Variants in MYBPC1 observed in about 807,000 individuals in gnomAD.
The protein encoded by MYBPC1 is myosin binding protein C1.
MYBPC1 carries 52 observed loss-of-function variants against 147.1 expected under a neutral mutation model. The ratio of observed to expected loss-of-function variants is 0.35; its 90% CI spans 0.28 to 0.45. MYBPC1 has a LOEUF of 0.45. Among genes scored for constraint, MYBPC1 ranks in the 20% least tolerant of loss-of-function variants. The pLI is 1.00. For synonymous variants in MYBPC1, 477 were observed against 475.9 expected, an observed-to-expected ratio of 1.00 and a Z score of -0.03; for missense variants, 1,228 against 1,440.3, an observed-to-expected ratio of 0.85 and a Z score of 2.39.
intron 28 of MYBPC1, among the ~76,000 whole-genome samples, chr12:101,679,784 C>T (rs1173385802): frequency 2.7e-5 from 4 of 147,422 alleles, no homozygotes; most frequent in East Asian, 4.1e-4. Context: ...ATCAAATGAT[C>T]GTGACACTTT....
chr12:101,606,956 C>A (rs1882442289), intron 1 of MYBPC1, among the ~76,000 whole-genome samples: 1 of 152,078 alleles, frequency 6.6e-6, no homozygotes, highest in Non-Finnish European at 1.5e-5. Flanking sequence ...TCCAAAGTAG[C>A]TGGGACCACA....
chr12:101,666,900 C>G, intron 22 of MYBPC1: 18 of 410,200 alleles, frequency 4.4e-5, no homozygotes, highest in Non-Finnish European at 5.5e-5. Context: ...TACATACACA[C>G]ACACACACAC....
intron 25 of MYBPC1, among the ~76,000 whole-genome samples, chr12:101,674,581 AT>A (rs1303908966): frequency 6.6e-6 from 1 of 152,086 alleles, no homozygotes; most frequent in Non-Finnish European, 1.5e-5. Flanking sequence ...CAAGAAATAA[AT>A]TTAAGGCCGG....
intron 3 of MYBPC1, among the ~76,000 whole-genome samples, chr12:101,626,088 C>CAA (rs769008600): frequency 0.017 from 938 of 54,990 alleles, 39 homozygotes; most frequent in South Asian, 0.14. Context: ...AACTCTGTCT[C>CAA]AAAAAAAAAA....
rs1201276523 is a variant in MYBPC1 at position 101,666,894 on chromosome 12, TACACACAC to T, written c.2357-810_2357-803del. 775 of 313,852 alleles carry T rather than the reference TACACACAC, an allele frequency of 2.5e-3. 7 individuals are homozygous for T. Among genetic ancestry groups the T allele is most frequent in the African/African-American group, 0.017 (688 of 41,410 alleles). 19.4% of individuals were successfully genotyped at this position (313,852 alleles called of 1,614,324 possible). A position where few individuals can be genotyped will look rare whatever the true frequency, so the allele number is the denominator to read the frequency against. ...GCATGAAGAATACTCATCACATACA[TACACACAC>T]ACACACACACACACACACACACACA... On this transcript the variant is annotated intron_variant, in intron 22 of 31. Coordinates refer to ENST00000361466, the MANE Select transcript of MYBPC1 (RefSeq NM_002465.4).
In MYBPC1 at chr12:101,673,410, G is replaced by A. The variant is rs1342601128; in HGVS notation, c.2614-17G>A. The A allele has an allele frequency of 6.2e-7, 1 of 1,609,900 alleles. No individual in the cohort carries two copies. The highest frequency in any genetic ancestry group is 2.2e-5 in the East Asian group (1 of 44,852). The stretch of plus-strand genomic sequence containing the variant: ...AATATGATTTACCCTCTCTACTTTT[G>A]CTGTCTTTCTTTTTAGGGAAAACCA... On this transcript the variant is annotated splice_polypyrimidine_tract_variant and intron_variant, in intron 24 of 31. Transcript: ENST00000361466.
downstream of MYBPC1, among the ~76,000 whole-genome samples, chr12:101,688,273 G>A (rs187210811): frequency 6.6e-5 from 10 of 152,244 alleles, no homozygotes; most frequent in East Asian, 1.7e-3. Flanking sequence ...ATAAAAATTA[G>A]TTGGGCGTGG....
At chr12:101,653,938 TCATGCCTGTAATCC>T (rs1379869184) in intron 18 of MYBPC1, among the ~76,000 whole-genome samples, 1 of 152,020 alleles carries the variant, frequency 6.6e-6, no homozygotes, top group Non-Finnish European at 1.5e-5. Flanking sequence ...GCATGGTGGC[TCATGCCTGTAATCC>T]CAGCACTTTG....
chr12:101,624,758 G>T (rs1471030654), intron 3 of MYBPC1, among the ~76,000 whole-genome samples: 1 of 124,464 alleles, frequency 8.0e-6, no homozygotes, highest in African/African-American at 3.1e-5. Context: ...AAATATTCTA[G>T]TATTTTAAGT....
intron 15 of MYBPC1, among the ~76,000 whole-genome samples, chr12:101,650,269 G>A (rs1050653360): frequency 2.0e-5 from 3 of 152,188 alleles, no homozygotes; most frequent in Admixed American, 6.5e-5. Context: ...GTTTGTAGGG[G>A]AAATGGGATT....
chr12:101,657,388 G>T (rs763050322), intron 18 of MYBPC1, among the ~76,000 whole-genome samples: 2 of 152,126 alleles, frequency 1.3e-5, no homozygotes, highest in African/African-American at 2.4e-5. Flanking sequence ...TTGAAAACTG[G>T]AAATTAATAG....
At chr12:101,618,355 G>T (rs1886608126) in intron 3 of MYBPC1, among the ~76,000 whole-genome samples, 1 of 152,132 alleles carries the variant, frequency 6.6e-6, no homozygotes, top group African/African-American at 2.4e-5. Flanking sequence ...TACTAATCCT[G>T]GCCACGTGGG....
intron 5 of MYBPC1, chr12:101,628,005 G>A: frequency 1.7e-6 from 1 of 580,476 alleles, no homozygotes; most frequent in African/African-American, 1.9e-5. Flanking sequence ...CGCATTCAAG[G>A]ATCTAGCCAA....
chr12:101,601,401 T>C (rs1044618258), intron 1 of MYBPC1, among the ~76,000 whole-genome samples: 3 of 152,242 alleles, frequency 2.0e-5, no homozygotes, highest in Admixed American at 6.5e-5. Context: ...TTCCCATTCA[T>C]GGGACAGAGT....
intron 23 of MYBPC1, among the ~76,000 whole-genome samples, chr12:101,669,557 G>A (rs998430412): frequency 6.6e-6 from 1 of 152,144 alleles, no homozygotes; most frequent in Non-Finnish European, 1.5e-5. Context: ...TTTCTGGTAA[G>A]GAAGAATGGA....
At chr12:101,631,905 C>T (rs1210289830) in intron 7 of MYBPC1, 116 bp from the exon 8 acceptor site, 6 of 1,283,272 alleles carry the variant, frequency 4.7e-6, no homozygotes, top group Non-Finnish European at 6.8e-6. Context: ...CACATTTGCC[C>T]TCCTATAGTG....
At chr12:101,660,253 A>G (rs1896288272) in intron 19 of MYBPC1, 1 of 269,198 alleles carries the variant, frequency 3.7e-6, no homozygotes, top group South Asian at 4.5e-5. Context: ...TTCTCCTTAA[A>G]TGACATATTT....
intron 1 of MYBPC1, among the ~76,000 whole-genome samples, chr12:101,595,703 T>A (rs1236339920): frequency 1.3e-5 from 2 of 152,148 alleles, no homozygotes; most frequent in Admixed American, 1.3e-4. Context: ...TCCCTGAATA[T>A]CATGAATAGA....
intron 6 of MYBPC1, 130 bp from the exon 7 acceptor site, chr12:101,631,441 C>A (rs1168217245): frequency 8.3e-6 from 9 of 1,079,672 alleles, no homozygotes; most frequent in Non-Finnish European, 9.9e-6. Context: ...AGGACGAATT[C>A]ATTTCACAAT....
Sources: allele counts gnomAD v4.1 joint callset (sites outside exome capture counted in the v4.1 genomes callset), GRCh38; gene constraint gnomAD v4.1.1; transcripts MANE v1.5; gene names NCBI Gene and HGNC (gene_info 2026-07-23, HGNC 2026-07-21).